LRIG3: variants seen among roughly 807,000 people sequenced by gnomAD.
LRIG3 encodes the protein leucine-rich repeats and immunoglobulin-like domains protein 3.
Under a neutral mutation model 114.5 loss-of-function variants are expected in LRIG3, and 76 were observed. The ratio of observed to expected loss-of-function variants is 0.66; its 90% CI spans 0.55 to 0.80. LRIG3 has a LOEUF of 0.80. LRIG3 is among the 30% of genes least tolerant of loss of function. The probability of loss-of-function intolerance (pLI) is 0.00; values close to 1 mark genes in which losing one functional copy is unlikely to be tolerated. For synonymous variants in LRIG3, 512 were observed against 519.8 expected (o/e 0.98, Z 0.20); for missense variants, 1,239 against 1,382.8 (o/e 0.90, Z 1.65).
chr12:58,905,624 G>A (rs74099578), intron 3 of LRIG3, among the ~76,000 whole-genome samples: 4,170 of 152,242 alleles, frequency 0.027, 96 homozygotes, highest in East Asian at 0.088. Flanking sequence ...AGGTGATTGC[G>A]TCATGAGGGC....
At chr12:58,887,018 A>C in intron 8 of LRIG3, 128 bp from the exon 9 acceptor site, 1 of 623,938 alleles carries the variant, frequency 1.6e-6, no homozygotes, top group South Asian at 2.1e-5. Context: ...CTCTCAAAAT[A>C]ATAGAAAACT....
Position 58,919,533 on chromosome 12 carries a change from C to T in LRIG3, c.236+467G>A, listed in dbSNP as rs142058508. 2.1e-4 allele frequency: 329 copies of T among 1,550,876 alleles called. 2 individuals are homozygous for T. The African/African-American group carries it at 3.9e-3, about 18-fold the overall frequency. On this transcript the variant is annotated intron_variant, in intron 1 of 18. Transcript: ENST00000320743. Reference sequence around the variant, plus strand: ...TGAGGGGGCTTCCCAAATGAAAAGCCTGACTTCAGTTACTGGGTGGGAACA... The same window carrying T: ...TGAGGGGGCTTCCCAAATGAAAAGCTTGACTTCAGTTACTGGGTGGGAACA...
chr12:58,919,355 G>C (rs1007844441), intron 1 of LRIG3: 6 of 1,545,798 alleles, frequency 3.9e-6, no homozygotes, highest in Admixed American at 3.9e-5. Flanking sequence ...CCTTGATTCT[G>C]GATAATCGAG....
At chr12:58,881,317 T>G (rs1361759920) in intron 12 of LRIG3, among the ~76,000 whole-genome samples, 1 of 151,186 alleles carries the variant, frequency 6.6e-6, no homozygotes, top group Non-Finnish European at 1.5e-5. Flanking sequence ...AGCAGCAAAA[T>G]TAGGAAATCA....
chr12:58,872,863 G>T, intron 18 of LRIG3, 47 bp from the exon 19 acceptor site: 1 of 1,577,516 alleles, frequency 6.3e-7, no homozygotes. Context: ...TTGCTAGCAT[G>T]TGAATCAATA....
At chr12:58,910,180 GAT>G (rs1451783596) in intron 3 of LRIG3, among the ~76,000 whole-genome samples, 3 of 152,154 alleles carry the variant, frequency 2.0e-5, no homozygotes. Context: ...AGTTGATTAT[GAT>G]ATGACCTTTA....
intron 1 of LRIG3, among the ~76,000 whole-genome samples, chr12:58,919,779 C>G (rs564517643): frequency 6.6e-6 from 1 of 152,172 alleles, no homozygotes; most frequent in Non-Finnish European, 1.5e-5. Flanking sequence ...CCAGTTAGGA[C>G]GCGCCAAGAG....
intron 3 of LRIG3, among the ~76,000 whole-genome samples, chr12:58,905,589 T>C (rs181252104): frequency 2.1e-4 from 32 of 152,334 alleles, no homozygotes; most frequent in Non-Finnish European, 3.4e-4. Context: ...ATGTTCAATG[T>C]GGTCGTACCG....
intron 3 of LRIG3, among the ~76,000 whole-genome samples, chr12:58,904,466 A>G (rs1332636547): frequency 1.3e-5 from 2 of 152,178 alleles, no homozygotes; most frequent in East Asian, 3.8e-4. Flanking sequence ...TACTAGAATG[A>G]AGGTGAGAGA....
rs777719539 is a variant in LRIG3, at chr12:58,877,556, G to T, written c.2380C>A (p.Gln794Lys). ...VIPTPTCDSP[Q>K]MTAPSLDDDG... ...TCGTCTAACGATGGGGCTGTCATCTGAGGGGAGTCGCAGGTTGGAGTGGGG... is the reference window on the plus strand; with the variant it reads ...TCGTCTAACGATGGGGCTGTCATCTTAGGGGAGTCGCAGGTTGGAGTGGGG... Residue 794 changes from glutamine to lysine, a missense_variant, in exon 15 of 19, where the codon CAG becomes AAG. Transcript: ENST00000320743. 1 of 1,614,138 alleles carries T rather than the reference G, an allele frequency of 6.2e-7. No individual in the cohort carries two copies. The highest frequency in any genetic ancestry group is 8.5e-7 in the Non-Finnish European group (1 of 1,180,060).
intron 3 of LRIG3, among the ~76,000 whole-genome samples, chr12:58,897,306 C>A (rs953776694): frequency 6.6e-6 from 1 of 152,068 alleles, no homozygotes; most frequent in Non-Finnish European, 1.5e-5. Flanking sequence ...GTTCTTTCAG[C>A]AAAAAGTCAG....
rs201801907 is a variant in LRIG3 at position 58,885,842 on chromosome 12, T to C, written c.1233A>G (p.Ala411=). The C allele has an allele frequency of 2.0e-5, 31 of 1,584,544 alleles. No homozygotes were observed. The highest frequency in any genetic ancestry group is 6.9e-5 in the East Asian group (3 of 43,606). ...ITKKAFTGLD[A]LEHLDLSDNA... is the part of the protein sequence containing the mutation. ...TTCTAGCTACTCACAGATGCTCCAA[T>C]GCATCCAAACCAGTGAAGGCTTTTT... is the stretch of plus-strand genomic sequence containing the variant. The change falls in exon 10 of 19, where the codon GCA becomes GCG. Residue 411 remains alanine, a synonymous_variant. Coordinates refer to ENST00000320743, the MANE Select transcript of LRIG3 (RefSeq NM_153377.5).
At chr12:58,899,155 T>A (rs889050701) in intron 3 of LRIG3, among the ~76,000 whole-genome samples, 2 of 152,228 alleles carry the variant, frequency 1.3e-5, no homozygotes, top group African/African-American at 4.8e-5. Context: ...ACCAAGGAAG[T>A]TGCATTTCTA....
intron 3 of LRIG3, among the ~76,000 whole-genome samples, chr12:58,902,978 A>C (rs1180382153): frequency 2.6e-5 from 4 of 152,184 alleles, no homozygotes; most frequent in Admixed American, 6.5e-5. Context: ...ATTGTTGGAC[A>C]CTTGGGTTGG....
intron 3 of LRIG3, chr12:58,913,383 C>T (rs1179512909): frequency 1.5e-4 from 23 of 152,232 alleles, no homozygotes; most frequent in Admixed American, 1.5e-3. Flanking sequence ...ACGTTACCTA[C>T]ACTAAAAATA....
chr12:58,901,211 A>AT (rs1262862905), intron 3 of LRIG3, among the ~76,000 whole-genome samples: 2 of 152,248 alleles, frequency 1.3e-5, no homozygotes, highest in Non-Finnish European at 2.9e-5. Context: ...AAGCTTACTA[A>AT]TAACAGCTGA....
At chr12:58,912,193 C>A (rs572987820) in intron 3 of LRIG3, among the ~76,000 whole-genome samples, 3 of 152,120 alleles carry the variant, frequency 2.0e-5, no homozygotes, top group East Asian at 1.9e-4. Flanking sequence ...TAAGTTATAA[C>A]GTTAAAGTGT....
At chr12:58,885,927 C>A in intron 9 of LRIG3, 25 bp from the exon 10 acceptor site, 1 of 1,525,700 alleles carries the variant, frequency 6.6e-7, no homozygotes, top group South Asian at 1.2e-5. Context: ...TACATTGGAG[C>A]ACTTAATTTA....
At chr12:58,875,072 G>A (rs761710917) in intron 16 of LRIG3, among the ~76,000 whole-genome samples, 1 of 152,190 alleles carries the variant, frequency 6.6e-6, no homozygotes, top group Non-Finnish European at 1.5e-5. Flanking sequence ...TCACGATGAC[G>A]CATGTGTCTG....
Sources: gnomAD v4.1 joint callset for allele counts (sites outside exome capture counted in the v4.1 genomes callset) on GRCh38, gnomAD v4.1.1 for gene constraint, MANE v1.5 for transcripts, NCBI Gene and HGNC (gene_info 2026-07-23, HGNC 2026-07-21) for gene names.